The following RAB27B variants were observed in gnomAD, a reference collection of about 807,000 sequenced individuals.
RAB27B encodes the protein ras-related protein Rab-27B.
Under a neutral mutation model 24.6 loss-of-function variants are expected in RAB27B, and 15 were observed. The observed-to-expected ratio is 0.61, with a 90% CI of 0.41 to 0.94. RAB27B has a LOEUF of 0.94. Ranked by LOEUF, RAB27B falls within the 40% of genes least tolerant of loss-of-function variation. The pLI is 0.00. For synonymous variants in RAB27B, 105 were observed against 92.5 expected, an observed-to-expected ratio of 1.14 and a Z score of -0.78; for missense variants, 261 against 266.8, an observed-to-expected ratio of 0.98 and a Z score of 0.15.
At position 54,890,600 on chromosome 18, in the gene RAB27B, C is replaced by G. The variant is rs1006711883; in HGVS notation, c.*1187C>G. On this transcript the variant is annotated 3_prime_UTR_variant, in exon 6 of 6. Coordinates refer to ENST00000262094, the MANE Select transcript of RAB27B (RefSeq NM_004163.4). ...ACTTTGTTGATCAATAACTTTGGAA[C>G]AATTATGGATCAATTCTATGGTCAC... The G allele has an allele frequency of 6.6e-6, 1 of 152,120 alleles. No homozygotes were observed. Among genetic ancestry groups the G allele is most frequent in the Non-Finnish European group, 1.5e-5 (1 of 68,014 alleles). 9.4% of individuals were successfully genotyped at this position (152,120 alleles called of 1,614,324 possible).
intron 2 of RAB27B, among the ~76,000 whole-genome samples, chr18:54,739,957 T>C (rs1475334867): frequency 6.6e-6 from 1 of 152,248 alleles, no homozygotes; most frequent in Admixed American, 6.5e-5. Flanking sequence ...CATGTAGATG[T>C]GTAAGAGTTA....
At chr18:54,847,445 A>G (rs953129098) in intron 1 of RAB27B, among the ~76,000 whole-genome samples, 3 of 152,246 alleles carry the variant, frequency 2.0e-5, no homozygotes, top group Admixed American at 6.5e-5. Flanking sequence ...AGGGCAGTCC[A>G]GAAAAATGAG....
At chr18:54,743,810 C>G (rs905033456) in intron 2 of RAB27B, among the ~76,000 whole-genome samples, 1 of 152,064 alleles carries the variant, frequency 6.6e-6, no homozygotes, top group African/African-American at 2.4e-5. Flanking sequence ...GATGAGAAAC[C>G]CTTGAAGAGG....
At position 54,834,773 on chromosome 18, in the gene RAB27B, G is replaced by T. The variant is rs537192493; in HGVS notation, c.-20+6073G>T. ...TAGAGGGAAAATTTCATTTTAAAAC[G>T]TTTAGGGAAAAAGCATAAGACTTTA... On this transcript the variant is annotated intron_variant, in intron 1 of 5. Coordinates refer to ENST00000262094, the MANE Select transcript of RAB27B (RefSeq NM_004163.4). 4.7e-5 allele frequency among the ~76,000 whole-genome samples: 7 copies of T among 149,866 alleles called. No individual in the cohort carries two copies. The East Asian group carries it at 9.7e-4, about 21-fold the overall frequency.
At chr18:54,866,365 T>G (rs889161906) in intron 1 of RAB27B, among the ~76,000 whole-genome samples, 2 of 151,332 alleles carry the variant, frequency 1.3e-5, no homozygotes, top group African/African-American at 4.8e-5. Flanking sequence ...GCGCTATATC[T>G]TCTCACCGCA....
intron 2 of RAB27B, among the ~76,000 whole-genome samples, chr18:54,723,266 C>A (rs116671064): frequency 6.6e-6 from 1 of 152,168 alleles, no homozygotes; most frequent in Non-Finnish European, 1.5e-5. Context: ...AATCTACCTG[C>A]GGCTCTGAGG....
chr18:54,727,743 A>G (rs1205399736), intron 2 of RAB27B, among the ~76,000 whole-genome samples: 1 of 152,212 alleles, frequency 6.6e-6, no homozygotes, highest in Non-Finnish European at 1.5e-5. Context: ...AAAAATCCAC[A>G]GCATTTAGCA....
At chr18:54,799,614 ATTTTTTTTTTTTTTTT>A (rs869256244) in intron 2 of RAB27B, among the ~76,000 whole-genome samples, 2 of 67,526 alleles carry the variant, frequency 3.0e-5, no homozygotes, top group African/African-American at 1.2e-4. Flanking sequence ...TAATAAAATG[ATTTTTTTTTTTTTTTT>A]TTTTTTTTTT....
chr18:54,735,230 A>C (rs964384146), intron 2 of RAB27B, among the ~76,000 whole-genome samples: 2 of 152,206 alleles, frequency 1.3e-5, no homozygotes, highest in East Asian at 3.9e-4. Flanking sequence ...AACTAAGTGC[A>C]TACCTGTGCT....
intron 2 of RAB27B, among the ~76,000 whole-genome samples, chr18:54,763,356 C>T (rs901394359): frequency 3.3e-5 from 5 of 151,466 alleles, no homozygotes; most frequent in Admixed American, 2.6e-4. Flanking sequence ...CAATACAGAC[C>T]AATGAAGGAC....
intron 1 of RAB27B, among the ~76,000 whole-genome samples, chr18:54,865,779 A>G (rs67793506): frequency 0.086 from 13,070 of 152,308 alleles, 696 homozygotes; most frequent in East Asian, 0.19. Flanking sequence ...ATACAGAAAT[A>G]CTGAAAATGA....
rs34288200 is a variant in RAB27B at position 54,783,481 on chromosome 18, T to TTGTGTGTG, written c.-20+65360_-20+65367dup. Among the ~76,000 whole-genome samples, 65 of 149,786 alleles carry TTGTGTGTG rather than the reference T, an allele frequency of 4.3e-4. 1 individual carries two copies. Among genetic ancestry groups the TTGTGTGTG allele is most frequent in the African/African-American group, 1.2e-3 (50 of 40,808 alleles). On this transcript the variant is annotated intron_variant, in intron 2 of 4. Transcript: ENST00000586570. ...AATGTTAATTATGAAGCCTATGGCTTTGTGTGTGTGTGTGTGTGTGTGTGT... is the reference window on the plus strand; with the variant it reads ...AATGTTAATTATGAAGCCTATGGCTTTGTGTGTGTGTGTGTGTGTGTGTGTGTGTGTGT...
intron 1 of RAB27B, among the ~76,000 whole-genome samples, chr18:54,836,402 A>G (rs1174625603): frequency 6.6e-6 from 1 of 151,824 alleles, no homozygotes; most frequent in South Asian, 2.1e-4. Flanking sequence ...CCAGTTTCCC[A>G]TTCTTCAGTT....
intron 1 of RAB27B, among the ~76,000 whole-genome samples, chr18:54,876,035 G>A (rs1258674776): frequency 6.6e-6 from 1 of 152,076 alleles, no homozygotes; most frequent in Non-Finnish European, 1.5e-5. Flanking sequence ...AGGTTTAATT[G>A]ACTCACAGTT....
At chr18:54,763,765 G>C (rs1952403283) in intron 2 of RAB27B, among the ~76,000 whole-genome samples, 2 of 151,990 alleles carry the variant, frequency 1.3e-5, no homozygotes, top group South Asian at 4.2e-4. Flanking sequence ...TCCTCCCCTG[G>C]GCACATCCAT....
chr18:54,797,507 C>G (rs963829517), intron 2 of RAB27B, among the ~76,000 whole-genome samples: 2 of 152,152 alleles, frequency 1.3e-5, no homozygotes, highest in African/African-American at 2.4e-5. Flanking sequence ...CAGAGTGAGA[C>G]TCTGTCAAAA....
chr18:54,811,173 AAGAGGCACACTACAT>A (rs960573499), intron 2 of RAB27B, among the ~76,000 whole-genome samples: 16 of 151,952 alleles, frequency 1.1e-4, no homozygotes, highest in African/African-American at 2.7e-4. Flanking sequence ...TAGAGGGGGG[AAGAGGCACACTACAT>A]AGAGACTGTG....
rs116871019 is a variant in RAB27B at position 54,816,261 on chromosome 18, C to T, written c.-19-61306C>T. Among the ~76,000 whole-genome samples the T allele has an allele frequency of 3.2e-4, 49 of 152,204 alleles. No homozygotes were observed. The East Asian group carries it at 5.0e-3, about 16-fold the overall frequency. On this transcript the variant is annotated intron_variant, in intron 2 of 4. Coordinates refer to the RAB27B transcript ENST00000586570. The stretch of plus-strand genomic sequence containing the variant: ...CACTGACCAAATTGAGGGTATAAGG[C>T]GAAGGCCAAATCAAGAGTAGGTGAA...
intron 2 of RAB27B, among the ~76,000 whole-genome samples, chr18:54,742,532 C>T (rs1272507648): frequency 6.6e-6 from 1 of 152,138 alleles, no homozygotes; most frequent in Non-Finnish European, 1.5e-5. Context: ...AATACATTTG[C>T]TATGTCTGCA....
Sources: allele counts gnomAD v4.1 joint callset (sites outside exome capture counted in the v4.1 genomes callset), GRCh38; gene constraint gnomAD v4.1.1; transcripts MANE v1.5; gene names NCBI Gene and HGNC (gene_info 2026-07-23, HGNC 2026-07-21).